The following TRAPPC3 variants were observed in gnomAD, a reference collection of about 807,000 sequenced individuals.
The protein encoded by TRAPPC3 is trafficking protein particle complex 3.
In TRAPPC3, 5 loss-of-function variants were observed where a neutral mutation model predicts 18.2. The observed-to-expected ratio is 0.28, with a 90% CI of 0.14 to 0.58. The LOEUF is 0.58. Ranked by LOEUF, TRAPPC3 falls within the 20% of genes least tolerant of loss-of-function variation. The probability of loss-of-function intolerance (pLI) is 0.91; values close to 1 mark genes in which losing one functional copy is unlikely to be tolerated. For missense variants in TRAPPC3, 176 were observed against 225.9 expected (o/e 0.78, Z 1.41); for synonymous variants, 65 against 84.2 (o/e 0.77, Z 1.25).
In TRAPPC3 at chr1:36,149,355, G is replaced by A. The variant is rs759345009; in HGVS notation, c.24C>T (p.Gly8=). Residue 8 remains glycine, a synonymous_variant, in exon 1 of 5, where the codon GGC becomes GGT. Coordinates refer to ENST00000373166, the MANE Select transcript of TRAPPC3 (RefSeq NM_014408.5). The part of the protein sequence containing the change: MSRQANR[G]TESKKMSSEL... ...AAGTTACCATTTTCTTGCTCTCGGT[G>A]CCACGGTTCGCCTGCCTCGACATGG... 1 of 1,613,228 alleles carries A rather than the reference G, an allele frequency of 6.2e-7. No individual in the cohort carries two copies. Among genetic ancestry groups the A allele is most frequent in the Admixed American group, 1.7e-5 (1 of 59,970 alleles).
chr1:36,153,917 T>A (rs1362381680), upstream of TRAPPC3, among the ~76,000 whole-genome samples: 1 of 152,248 alleles, frequency 6.6e-6, no homozygotes, highest in Non-Finnish European at 1.5e-5. Context: ...GCATTTGGCA[T>A]TCAAGTCCTC....
Position 36,149,328 on chromosome 1 carries a change from C to T in TRAPPC3, c.42+9G>A. 1.9e-6 allele frequency: 3 copies of T among 1,613,716 alleles called. No individual in the cohort carries two copies. The highest frequency in any genetic ancestry group is 2.5e-6 in the Non-Finnish European group (3 of 1,179,838). Reference sequence around the variant, plus strand: ...GCCCCGCCCGCCGAGGTCACGCGCTCCAAGTTACCATTTTCTTGCTCTCGG... The same window carrying T: ...GCCCCGCCCGCCGAGGTCACGCGCTTCAAGTTACCATTTTCTTGCTCTCGG... On this transcript the variant is annotated intron_variant, in intron 1 of 4. Transcript: ENST00000373166.
chr1:36,151,937 G>A (rs1170940617), upstream of TRAPPC3, among the ~76,000 whole-genome samples: 1 of 152,158 alleles, frequency 6.6e-6, no homozygotes, highest in Non-Finnish European at 1.5e-5. Flanking sequence ...CACAGGGAGT[G>A]GGCCCTGGGA....
chr1:36,145,063 C>T lies in TRAPPC3; in HGVS notation c.42+4274G>A, dbSNP rs969396769. ...TTGAGACGGAGTCTCGCTCTGTCGC[C>T]CAGGATGAAGTGCAGTAGCGCAATC... On this transcript the variant is annotated intron_variant, in intron 1 of 4. Coordinates refer to ENST00000373166, the MANE Select transcript of TRAPPC3 (RefSeq NM_014408.5). 1.5e-4 allele frequency among the ~76,000 whole-genome samples: 23 copies of T among 152,122 alleles called. No homozygotes were observed. In the East Asian group the frequency reaches 4.4e-3, roughly 29 times the overall value.
At chr1:36,149,518 G>A (rs1056591062), upstream of TRAPPC3, 3 of 1,127,566 alleles carry the variant, frequency 2.7e-6, no homozygotes. Context: ...CTCCCGCGGG[G>A]CACCACGGGA....
chr1:36,152,848 C>T (rs1466052837), upstream of TRAPPC3, among the ~76,000 whole-genome samples: 1 of 152,050 alleles, frequency 6.6e-6, no homozygotes, highest in South Asian at 2.1e-4. Context: ...GACAGGGTTT[C>T]GCCATGTTGC....
chr1:36,149,690 C>T (rs930552697), upstream of TRAPPC3, among the ~76,000 whole-genome samples: 1 of 152,272 alleles, frequency 6.6e-6, no homozygotes, highest in African/African-American at 2.4e-5. Context: ...TGGGCAGCAT[C>T]CTGGCCGCTG....
At chr1:36,141,508 G>C (rs1644107058) in intron 1 of TRAPPC3, among the ~76,000 whole-genome samples, 1 of 152,122 alleles carries the variant, frequency 6.6e-6, no homozygotes, top group Admixed American at 6.5e-5. Flanking sequence ...CCTGATGATG[G>C]GGGCACTACA....
At chr1:36,143,129 GCTAT>G (rs1336880188) in intron 1 of TRAPPC3, among the ~76,000 whole-genome samples, 1 of 152,086 alleles carries the variant, frequency 6.6e-6, no homozygotes, top group East Asian at 1.9e-4. Flanking sequence ...TGTGTGCCAG[GCTAT>G]CTAACAGGAG....
chr1:36,138,791 G>C (rs1176432563), intron 3 of TRAPPC3, among the ~76,000 whole-genome samples: 1 of 152,108 alleles, frequency 6.6e-6, no homozygotes, highest in Non-Finnish European at 1.5e-5. Context: ...AGCACTTTGG[G>C]AGGCCGAGGT....
intron 1 of TRAPPC3, among the ~76,000 whole-genome samples, chr1:36,143,087 T>C (rs534916176): frequency 1.3e-5 from 2 of 152,228 alleles, no homozygotes; most frequent in African/African-American, 2.4e-5. Context: ...GGCTATAGTA[T>C]AATGAAAACA....
At chr1:36,154,476 G>C (rs1399382288), upstream of TRAPPC3, among the ~76,000 whole-genome samples, 1 of 152,148 alleles carries the variant, frequency 6.6e-6, no homozygotes, top group Non-Finnish European at 1.5e-5. Context: ...GTCACTGCCT[G>C]AGTCAGGTCT....
chr1:36,147,657 C>A (rs116823942), intron 1 of TRAPPC3, among the ~76,000 whole-genome samples: 63 of 152,180 alleles, frequency 4.1e-4, no homozygotes, highest in Non-Finnish European at 7.2e-4. Context: ...GCTATGAAGA[C>A]AACCAGCATA....
chr1:36,143,331 GGATA>G (rs1644144280), intron 1 of TRAPPC3, among the ~76,000 whole-genome samples: 1 of 152,190 alleles, frequency 6.6e-6, no homozygotes, highest in South Asian at 2.1e-4. Context: ...GAAGATATCT[GGATA>G]GATAGCTGGT....
intron 1 of TRAPPC3, among the ~76,000 whole-genome samples, chr1:36,141,196 T>A (rs572544688): frequency 9.9e-5 from 15 of 151,970 alleles, no homozygotes; most frequent in Non-Finnish European, 4.4e-5. Context: ...TACCAAGAAA[T>A]TGATGTAAAA....
chr1:36,146,166 C>A (rs1466546554), intron 1 of TRAPPC3, among the ~76,000 whole-genome samples: 1 of 152,070 alleles, frequency 6.6e-6, no homozygotes, highest in East Asian at 1.9e-4. Context: ...GCAACCTCCA[C>A]CTCCCGGGTT....
At chr1:36,141,735 G>A (rs542969206) in intron 1 of TRAPPC3, among the ~76,000 whole-genome samples, 2 of 151,898 alleles carry the variant, frequency 1.3e-5, no homozygotes, top group African/African-American at 2.4e-5. Context: ...CGAGGCGGGC[G>A]GATCACAAGG....
upstream of TRAPPC3, among the ~76,000 whole-genome samples, chr1:36,149,669 C>A (rs966101801): frequency 6.6e-5 from 10 of 152,260 alleles, no homozygotes; most frequent in Non-Finnish European, 1.3e-4. Flanking sequence ...CTGGTAGAGC[C>A]CAGCTTGCGC....
chr1:36,149,465 G>A lies in TRAPPC3; in HGVS notation c.-87C>T. Reference sequence around the variant, plus strand: ...CCGGAGCCTAAGCCGCTGCCCCTCAGCCCACAAGACCGACCGGCACTGACT... The same window carrying A: ...CCGGAGCCTAAGCCGCTGCCCCTCAACCCACAAGACCGACCGGCACTGACT... On this transcript the variant is annotated 5_prime_UTR_variant, in exon 1 of 5. Coordinates refer to ENST00000373166, the MANE Select transcript of TRAPPC3 (RefSeq NM_014408.5). 2.6e-6 allele frequency: 4 copies of A among 1,543,390 alleles called. No individual in the cohort carries two copies. The highest frequency in any genetic ancestry group is 2.3e-5 in the East Asian group (1 of 42,716).
Sources: gnomAD v4.1 joint callset for allele counts (sites outside exome capture counted in the v4.1 genomes callset) on GRCh38, gnomAD v4.1.1 for gene constraint, MANE v1.5 for transcripts, NCBI Gene and HGNC (gene_info 2026-07-23, HGNC 2026-07-21) for gene names.